Variants in VRK2 observed in about 807,000 individuals in gnomAD.
VRK2 encodes serine/threonine-protein kinase VRK2.
A neutral mutation model predicts 57.6 loss-of-function variants in VRK2; 60 were observed. That is an observed-to-expected ratio of 1.04 (90% confidence interval 0.85 to 1.29). The LOEUF (loss-of-function observed/expected upper bound fraction) is 1.29. Among genes scored for constraint, VRK2 ranks in the 50% most tolerant of loss-of-function variants. The pLI, the probability that VRK2 is intolerant of heterozygous loss-of-function variation, is 0.00. For synonymous variants in VRK2, 231 were observed against 199.2 expected (o/e 1.16, Z -1.35); for missense variants, 705 against 588.1 (o/e 1.20, Z -2.06).
chr2:58,009,064 G>C (rs1673340932), intron 1 of VRK2, among the ~76,000 whole-genome samples: 1 of 152,070 alleles, frequency 6.6e-6, no homozygotes, highest in African/African-American at 2.4e-5. Context: ...AGCTCTCATG[G>C]CCTAATGACC....
chr2:58,011,113 T>C (rs1477240728), intron 1 of VRK2, among the ~76,000 whole-genome samples: 2 of 152,262 alleles, frequency 1.3e-5, no homozygotes, highest in African/African-American at 4.8e-5. Context: ...AATTTAAAAA[T>C]ATATATATTT....
At chr2:57,972,867 C>T (rs1366704839) in intron 1 of VRK2, among the ~76,000 whole-genome samples, 5 of 151,762 alleles carry the variant, frequency 3.3e-5, no homozygotes, top group Admixed American at 6.6e-5. Flanking sequence ...AAATATTCCT[C>T]GTTTCTTTTT....
chr2:58,139,111 G>C (rs1276346024), intron 10 of VRK2, among the ~76,000 whole-genome samples: 1 of 152,084 alleles, frequency 6.6e-6, no homozygotes, highest in African/African-American at 2.4e-5. Context: ...AGGCTAGCTA[G>C]GTATGGAGGA....
intron 12 of VRK2, 129 bp downstream of exon 12, chr2:58,146,603 G>C: frequency 9.5e-7 from 1 of 1,053,422 alleles, no homozygotes. Context: ...AGAAGGGACA[G>C]AAAATATCCT....
At chr2:57,923,993 T>G (rs992915968) in intron 1 of VRK2, among the ~76,000 whole-genome samples, 1 of 152,028 alleles carries the variant, frequency 6.6e-6, no homozygotes, top group Admixed American at 6.6e-5. Context: ...CTTTCCATAA[T>G]GTATGTTCTT....
At chr2:58,110,002 G>T (rs1159372201) in intron 7 of VRK2, among the ~76,000 whole-genome samples, 2 of 152,188 alleles carry the variant, frequency 1.3e-5, no homozygotes, top group East Asian at 3.9e-4. Context: ...AAGCAAAGAA[G>T]ACTGGAAGTA....
chr2:57,984,377 T>C (rs1046047147), intron 1 of VRK2, among the ~76,000 whole-genome samples: 3 of 152,088 alleles, frequency 2.0e-5, no homozygotes, highest in Non-Finnish European at 2.9e-5. Flanking sequence ...TTTAAGTATG[T>C]TAAGAGAAAA....
intron 1 of VRK2, among the ~76,000 whole-genome samples, chr2:57,908,910 A>G (rs1464687838): frequency 6.6e-6 from 1 of 152,198 alleles, no homozygotes; most frequent in African/African-American, 2.4e-5. Context: ...CTATATTAGA[A>G]AGAAAACAAA....
At chr2:58,018,311 C>G (rs1315925931) in intron 1 of VRK2, among the ~76,000 whole-genome samples, 1 of 152,074 alleles carries the variant, frequency 6.6e-6, no homozygotes, top group Non-Finnish European at 1.5e-5. Context: ...ATTTTAAAAA[C>G]CAGAAGTTTT....
intron 12 of VRK2, among the ~76,000 whole-genome samples, chr2:58,155,800 A>G (rs1683734941): frequency 7.3e-6 from 1 of 136,932 alleles, no homozygotes; most frequent in South Asian, 2.6e-4. Context: ...ACCTGGAGAG[A>G]AGTAAGGTAC....
chr2:57,912,539 C>T (rs1347446743), intron 1 of VRK2, among the ~76,000 whole-genome samples: 2 of 151,884 alleles, frequency 1.3e-5, no homozygotes, highest in Non-Finnish European at 2.9e-5. Context: ...AGAGGCAAAA[C>T]CCAGCTCAGA....
chr2:57,956,194 A>G (rs2103987593), intron 1 of VRK2, among the ~76,000 whole-genome samples: 1 of 152,194 alleles, frequency 6.6e-6, no homozygotes, highest in Non-Finnish European at 1.5e-5. Flanking sequence ...CAGCCTGAGC[A>G]ACATAGCAAG....
chr2:58,116,034 G>A (rs1291366045), intron 7 of VRK2, among the ~76,000 whole-genome samples: 2 of 152,216 alleles, frequency 1.3e-5, no homozygotes, highest in Non-Finnish European at 2.9e-5. Context: ...TAACTTTTAA[G>A]CCTTGTCTGG....
chr2:58,013,666 T>C (rs927701964), intron 1 of VRK2, among the ~76,000 whole-genome samples: 3 of 151,186 alleles, frequency 2.0e-5, no homozygotes, highest in Non-Finnish European at 4.4e-5. Context: ...GGTCAGGAGA[T>C]CGAGACCACG....
At chr2:58,112,789 C>T (rs978411263) in intron 7 of VRK2, among the ~76,000 whole-genome samples, 1 of 152,228 alleles carries the variant, frequency 6.6e-6, no homozygotes, top group Middle Eastern at 3.4e-3. Flanking sequence ...CAAAGTTGTT[C>T]TGAGCTCTGG....
intron 1 of VRK2, among the ~76,000 whole-genome samples, chr2:57,914,584 C>T (rs1404485402): frequency 6.6e-6 from 1 of 151,974 alleles, no homozygotes; most frequent in African/African-American, 2.4e-5. Flanking sequence ...TTAGGTAAAA[C>T]TTCTTCTTCA....
chr2:57,984,377 T>A (rs1046047147), intron 1 of VRK2, among the ~76,000 whole-genome samples: 1 of 152,088 alleles, frequency 6.6e-6, no homozygotes, highest in African/African-American at 2.4e-5. Flanking sequence ...TTTAAGTATG[T>A]TAAGAGAAAA....
At chr2:57,983,916 T>C (rs1225426134) in intron 1 of VRK2, among the ~76,000 whole-genome samples, 1 of 152,168 alleles carries the variant, frequency 6.6e-6, no homozygotes, top group Non-Finnish European at 1.5e-5. Flanking sequence ...AAGTCATCAA[T>C]ATTGATATAA....
intron 1 of VRK2, among the ~76,000 whole-genome samples, chr2:58,048,010 A>G (rs1304422182): frequency 6.6e-6 from 1 of 152,204 alleles, no homozygotes; most frequent in Non-Finnish European, 1.5e-5. Flanking sequence ...AATTATTTTC[A>G]GGCATGTATG....
Sources: gnomAD v4.1 joint callset for allele counts (sites outside exome capture counted in the v4.1 genomes callset) on GRCh38, gnomAD v4.1.1 for gene constraint, MANE v1.5 for transcripts, NCBI Gene and HGNC (gene_info 2026-07-23, HGNC 2026-07-21) for gene names.